HEMK2: variants seen among roughly 807,000 people sequenced by gnomAD.
HEMK2 encodes the protein methyltransferase HEMK2.
At chr21:28,783,035 C>A in the HEMK2 span, among the ~76,000 whole-genome samples, 1 of 152,058 alleles carries the variant, frequency 6.6e-6, no homozygotes, top group Admixed American at 6.5e-5. Flanking sequence ...TATCCCTTAT[C>A]CAAAATGCTT....
the HEMK2 span, among the ~76,000 whole-genome samples, chr21:28,779,222 A>AATGG: frequency 5.9e-5 from 9 of 152,208 alleles, no homozygotes; most frequent in African/African-American, 1.2e-4. Flanking sequence ...AGTGTTCATC[A>AATGG]ATGGATGGAT....
the HEMK2 span, among the ~76,000 whole-genome samples, chr21:28,750,519 T>C: frequency 2.0e-5 from 3 of 151,706 alleles, no homozygotes; most frequent in Non-Finnish European, 1.5e-5. Context: ...GCCAACATGG[T>C]GAAGCTCCAT....
the HEMK2 span, among the ~76,000 whole-genome samples, chr21:28,693,546 C>T: frequency 1.3e-5 from 2 of 152,228 alleles, no homozygotes; most frequent in Non-Finnish European, 2.9e-5. Flanking sequence ...TCTGATTCTG[C>T]TTCAACATTT....
At chr21:28,775,859 ATAAAT>A in the HEMK2 span, among the ~76,000 whole-genome samples, 61 of 152,294 alleles carry the variant, frequency 4.0e-4, 1 homozygote, top group Admixed American at 2.9e-3. Context: ...TTAAGAGAAA[ATAAAT>A]TAGAGAGCAA....
At chr21:28,845,483 T>C in the HEMK2 span, among the ~76,000 whole-genome samples, 10 of 152,104 alleles carry the variant, frequency 6.6e-5, no homozygotes, top group Non-Finnish European at 1.5e-4. Context: ...AATTCTAATT[T>C]TACTGCCTTA....
At chr21:28,736,066 T>G in the HEMK2 span, among the ~76,000 whole-genome samples, 1 of 152,166 alleles carries the variant, frequency 6.6e-6, no homozygotes, top group South Asian at 2.1e-4. Context: ...CAAGGGCACA[T>G]TACAAGGAGG....
chr21:28,826,741 C>A, the HEMK2 span, among the ~76,000 whole-genome samples: 1 of 152,312 alleles, frequency 6.6e-6, no homozygotes, highest in African/African-American at 2.4e-5. Flanking sequence ...CTAACTCCTG[C>A]AAAATGCTGC....
At chr21:28,818,924 C>A in the HEMK2 span, among the ~76,000 whole-genome samples, 1 of 152,218 alleles carries the variant, frequency 6.6e-6, no homozygotes, top group South Asian at 2.1e-4. Context: ...GAGGAATGTT[C>A]TGGCTAATGT....
At chr21:28,583,021 CT>C in the HEMK2 span, among the ~76,000 whole-genome samples, 1 of 152,136 alleles carries the variant, frequency 6.6e-6, no homozygotes, top group African/African-American at 2.4e-5. Flanking sequence ...ACTATCAATG[CT>C]GTTGATGACA....
the HEMK2 span, among the ~76,000 whole-genome samples, chr21:28,831,734 G>GGAAGGAAGGAAGGAAAGAGAGAAA: frequency 4.4e-4 from 6 of 13,650 alleles, no homozygotes; most frequent in Non-Finnish European, 4.2e-4. Flanking sequence ...AAGGAAGGAA[G>GGAAGGAAGGAAGGAAAGAGAGAAA]GAAAGAAAGA....
At chr21:28,718,787 T>C in the HEMK2 span, among the ~76,000 whole-genome samples, 1 of 152,050 alleles carries the variant, frequency 6.6e-6, no homozygotes, top group African/African-American at 2.4e-5. Context: ...ACAAAGAAAA[T>C]TGTTTAACAA....
the HEMK2 span, among the ~76,000 whole-genome samples, chr21:28,660,097 T>C: frequency 6.6e-6 from 1 of 152,008 alleles, no homozygotes; most frequent in South Asian, 2.1e-4. Context: ...TTTTTAACTT[T>C]TAATCTTTCA....
At chr21:28,832,359 G>C in the HEMK2 span, among the ~76,000 whole-genome samples, 1 of 152,186 alleles carries the variant, frequency 6.6e-6, no homozygotes, top group African/African-American at 2.4e-5. Flanking sequence ...GTGTGTCTCT[G>C]TTACCTGGAG....
the HEMK2 span, among the ~76,000 whole-genome samples, chr21:28,835,013 T>C: frequency 6.6e-6 from 1 of 152,084 alleles, no homozygotes; most frequent in Middle Eastern, 3.4e-3. Context: ...GAGCCTGAAT[T>C]CAGACAGGCC....
the HEMK2 span, among the ~76,000 whole-genome samples, chr21:28,602,751 AC>A: frequency 6.6e-6 from 1 of 152,194 alleles, no homozygotes; most frequent in Non-Finnish European, 1.5e-5. Context: ...ATTGGGACCA[AC>A]CTTGGGGGCA....
the HEMK2 span, among the ~76,000 whole-genome samples, chr21:28,620,001 T>G: frequency 6.6e-6 from 1 of 152,202 alleles, no homozygotes; most frequent in Non-Finnish European, 1.5e-5. Context: ...CAATTTGACT[T>G]CCACTCATGC....
At chr21:28,843,661 C>G in the HEMK2 span, among the ~76,000 whole-genome samples, 2 of 152,078 alleles carry the variant, frequency 1.3e-5, no homozygotes, top group Non-Finnish European at 2.9e-5. Context: ...GCTTAAAGAC[C>G]TTCTTGATTA....
the HEMK2 span, among the ~76,000 whole-genome samples, chr21:28,594,401 T>C: frequency 6.6e-6 from 1 of 152,298 alleles, no homozygotes; most frequent in East Asian, 1.9e-4. Flanking sequence ...CAAACTAATG[T>C]AGGAGATTAA....
chr21:28,846,440 T>C, the HEMK2 span, among the ~76,000 whole-genome samples: 1 of 152,194 alleles, frequency 6.6e-6, no homozygotes, highest in Non-Finnish European at 1.5e-5. Flanking sequence ...TCCTTTTCTC[T>C]GTAACCTTGC....
Sources: allele counts gnomAD v4.1 joint callset (sites outside exome capture counted in the v4.1 genomes callset), GRCh38; gene constraint gnomAD v4.1.1; transcripts MANE v1.5; gene names NCBI Gene and HGNC (gene_info 2026-07-23, HGNC 2026-07-21).